DGKA: variants seen among roughly 807,000 people sequenced by gnomAD.
DGKA encodes diacylglycerol kinase alpha.
Under a neutral mutation model 105.0 loss-of-function variants are expected in DGKA, and 35 were observed. The observed-to-expected ratio is 0.33, with a 90% CI of 0.25 to 0.44. DGKA has a LOEUF of 0.44. Ranked by LOEUF, DGKA falls within the 20% of genes least tolerant of loss-of-function variation. The pLI is 1.00. For synonymous variants in DGKA, 296 were observed against 332.0 expected, an observed-to-expected ratio of 0.89 and a Z score of 1.18; for missense variants, 665 against 915.0, an observed-to-expected ratio of 0.73 and a Z score of 3.53.
chr12:55,946,171 C>CTT (rs35710124), intron 17 of DGKA, among the ~76,000 whole-genome samples: 5 of 147,376 alleles, frequency 3.4e-5, no homozygotes, highest in African/African-American at 9.9e-5. Flanking sequence ...CTTTCTTCTT[C>CTT]TTTTTTTTTT....
upstream of DGKA, chr12:55,927,929 G>C (rs1215624228): frequency 2.4e-5 from 19 of 807,062 alleles, no homozygotes; most frequent in African/African-American, 3.6e-5. Flanking sequence ...TCAGAGGGCA[G>C]GGTGAAAGCT....
Position 55,953,744 on chromosome 12 carries a change from C to T in DGKA, c.2184C>T (p.Thr728=), listed in dbSNP as rs1161487546. ...PMLMGPPPRS[T]NFFGFLS ...TCATGGGCCCACCCCCCCGCTCCAC[C>T]AATTTCTTTGGCTTCTTGAGCTAAG... The change falls in exon 24 of 24, where the codon ACC becomes ACT. Residue 728 remains threonine (T), a synonymous_variant. Transcript: ENST00000331886. The T allele has an allele frequency of 1.2e-6, 2 of 1,614,056 alleles. No individual in the cohort carries two copies. The highest frequency in any genetic ancestry group is 2.2e-5 in the South Asian group (2 of 91,084).
intron 17 of DGKA, among the ~76,000 whole-genome samples, chr12:55,949,977 A>AT (rs768401446): frequency 0.021 from 3,008 of 144,380 alleles, 86 homozygotes; most frequent in African/African-American, 0.06. Context: ...CACCTGGCTA[A>AT]TTTTTTTTTT....
At chr12:55,946,480 C>T (rs555171431) in intron 17 of DGKA, among the ~76,000 whole-genome samples, 10 of 152,360 alleles carry the variant, frequency 6.6e-5, no homozygotes, top group Middle Eastern at 3.4e-3. Context: ...CCTCAGCCTC[C>T]TGAGTAGCTG....
At chr12:55,929,106 A>G (rs991023681), upstream of DGKA, 1 of 152,316 alleles carries the variant, frequency 6.6e-6, no homozygotes, top group African/African-American at 2.4e-5. Context: ...AGATCGTGCC[A>G]CTGCACTCCA....
rs996414664 is a variant in DGKA, at chr12:55,952,660, G to A, written c.1744-74G>A. 20 of 1,540,552 alleles carry A rather than the reference G, an allele frequency of 1.3e-5. No homozygotes were observed. Among genetic ancestry groups the A allele is most frequent in the African/African-American group, 9.5e-5 (7 of 73,354 alleles). On this transcript the variant is annotated intron_variant, in intron 20 of 23. Transcript: ENST00000331886. The surrounding 1 kb of genome is among the most constrained non-coding windows in gnomAD (Gnocchi z 5.1). ...CAGTTTGTCATCTGGTGGAGGGAGC[G>A]ATCACATCTATGATCATGCCATGAG...
Position 55,954,007 on chromosome 12 carries a change from C to T in DGKA, c.*239C>T, listed in dbSNP as rs1888690242. ...TCTGAATAAAATGACTTGTGTTTCCCCTTTGGGATCTGCTAAGTAAGTGGT... is the reference window on the plus strand; with the variant it reads ...TCTGAATAAAATGACTTGTGTTTCCTCTTTGGGATCTGCTAAGTAAGTGGT... On this transcript the variant is annotated 3_prime_UTR_variant, in exon 24 of 24. Transcript: ENST00000331886. 1 of 645,654 alleles carries T rather than the reference C, an allele frequency of 1.5e-6. No individual in the cohort carries two copies. The highest frequency in any genetic ancestry group is 3.1e-5 in the Admixed American group (1 of 32,690). The allele number at this position is 645,654 out of a possible 1,614,324, so 40.0% of individuals were successfully genotyped here. A position where few individuals can be genotyped will look rare whatever the true frequency, so the allele number is the denominator to read the frequency against.
chr12:55,946,975 CCTTT>C (rs1244656133), intron 17 of DGKA, among the ~76,000 whole-genome samples: 2 of 148,554 alleles, frequency 1.3e-5, no homozygotes. Context: ...TTCTTTTCTT[CCTTT>C]CTTTCTTTTT....
chr12:55,941,852 C>G, intron 15 of DGKA, 146 bp from the exon 16 acceptor site: 4 of 902,394 alleles, frequency 4.4e-6, no homozygotes, highest in Non-Finnish European at 7.0e-6. Context: ...TTGTTCTTTT[C>G]TGTGACCTTC....
chr12:55,941,475 C>T (rs200574141), intron 14 of DGKA, 35 bp from the exon 15 acceptor site: 35 of 1,610,806 alleles, frequency 2.2e-5, no homozygotes, highest in African/African-American at 1.2e-4. Flanking sequence ...CCAACCCCCG[C>T]GCCTGCCATG....
At chr12:55,928,798 TC>T (rs544049798), upstream of DGKA, among the ~76,000 whole-genome samples, 77 of 147,768 alleles carry the variant, frequency 5.2e-4, no homozygotes, top group African/African-American at 1.8e-3. Flanking sequence ...TTCCTTCCCA[TC>T]CTCCATGTCT....
chr12:55,952,476 A>G lies in DGKA; in HGVS notation c.1743+45A>G. 1.3e-6 allele frequency: 2 copies of G among 1,583,592 alleles called. No individual in the cohort carries two copies. The highest frequency in any genetic ancestry group is 8.7e-7 in the Non-Finnish European group (1 of 1,152,304). On this transcript the variant is annotated intron_variant, in intron 20 of 23. Transcript: ENST00000331886. The surrounding 1 kb of genome is among the most constrained non-coding windows in gnomAD (Gnocchi z 5.1). ...ACCCTACATCCTTTTCAGCTTCTTA[A>G]TAGCCAAGTTTCTCCCTCCATGGCA...
At chr12:55,927,681 C>T, upstream of DGKA, 2 of 1,537,208 alleles carry the variant, frequency 1.3e-6, no homozygotes, top group Non-Finnish European at 1.7e-6. Context: ...ACCAGAGACC[C>T]GCGGGAGGGG....
upstream of DGKA, chr12:55,928,367 A>AGCATG: frequency 6.6e-6 from 1 of 152,374 alleles, no homozygotes; most frequent in East Asian, 1.9e-4. Context: ...AACACTAGGC[A>AGCATG]GCATGTCCCA....
intron 6 of DGKA, 24 bp downstream of exon 6, chr12:55,938,584 G>T (rs1181432890): frequency 6.2e-7 from 1 of 1,613,866 alleles, no homozygotes. Flanking sequence ...CCTGTATGCT[G>T]GGCAAGGGAA....
At position 55,940,369 on chromosome 12, in the gene DGKA, G is replaced by C; in HGVS notation, c.854G>C (p.Cys285Ser). The C allele has an allele frequency of 6.2e-7, 1 of 1,614,266 alleles. No individual in the cohort carries two copies. Among genetic ancestry groups the C allele is most frequent in the Non-Finnish European group, 8.5e-7 (1 of 1,180,056 alleles). The change falls in exon 11 of 24, where the codon TGT (cysteine) becomes TCT (serine). Residue 285 changes from cysteine (C) to serine (S), a missense_variant. Cys to Ser is a moderately radical substitution (Grantham distance 112). This residue lies in a region of DGKA where 504 missense variants were observed against 681.2 expected (regional missense o/e 0.74). Coordinates refer to ENST00000331886, the MANE Select transcript of DGKA (RefSeq NM_001345.5). The surrounding 1 kb of genome is among the most constrained non-coding windows in gnomAD (Gnocchi z 4.3). Reference protein sequence around the residue: ...GGCESGRCDRCQKKIRIYHSL... With the variant: ...GGCESGRCDRSQKKIRIYHSL... ...TGTGAGTCCGGGCGCTGCGACCGCT[G>C]TCAGAAAAAGATCCGGATCTACCAC...
chr12:55,953,443 C>T (rs770292012), intron 23 of DGKA, 33 bp downstream of exon 23: 5 of 1,606,272 alleles, frequency 3.1e-6, no homozygotes, highest in South Asian at 2.2e-5. Flanking sequence ...AAAAATTAAA[C>T]CCTTGGGCTC....
At chr12:55,938,080 C>A (rs368231898) in intron 5 of DGKA, 28 bp downstream of exon 5, 11 of 1,595,042 alleles carry the variant, frequency 6.9e-6, no homozygotes, top group African/African-American at 1.3e-5. Context: ...AGTGAGGTGG[C>A]AGGGCAGTGA....
intron 15 of DGKA, among the ~76,000 whole-genome samples, 162 bp from the exon 16 acceptor site, chr12:55,941,836 T>A (rs1044741213): frequency 4.6e-5 from 7 of 152,166 alleles, no homozygotes; most frequent in Middle Eastern, 3.2e-3. Context: ...GCTATAACTT[T>A]CCCCATTGTT....
Sources: gnomAD v4.1 joint callset for allele counts (sites outside exome capture counted in the v4.1 genomes callset) on GRCh38, gnomAD v4.1.1 for gene constraint, gnomAD v4.1.1 regional missense constraint, Gnocchi (gnomAD v3.1) non-coding constraint, MANE v1.5 for transcripts, NCBI Gene and HGNC (gene_info 2026-07-23, HGNC 2026-07-21) for gene names.